Variants in ECE1 observed in about 807,000 individuals in gnomAD.
ECE1 encodes the protein endothelin-converting enzyme 1.
In ECE1, 35 loss-of-function variants were observed where a neutral mutation model predicts 98.6. The observed-to-expected ratio is 0.35, with a 90% confidence interval of 0.27 to 0.47. The LOEUF is 0.47. Ranked by LOEUF, ECE1 falls within the 20% of genes least tolerant of loss-of-function variation. The pLI is 1.00. For missense variants in ECE1, 814 were observed against 1,025.3 expected, an observed-to-expected ratio of 0.79 and a Z score of 2.81; for synonymous variants, 394 against 407.1, an observed-to-expected ratio of 0.97 and a Z score of 0.39.
chr1:21,282,247 G>A (rs1264227969), intron 2 of ECE1, among the ~76,000 whole-genome samples: 1 of 152,056 alleles, frequency 6.6e-6, no homozygotes, highest in Admixed American at 6.5e-5. Flanking sequence ...CCATGATTGT[G>A]CCCCTGCACT....
chr1:21,314,338 G>GCCCCCAAATTCCTGGCT (rs1638789081), intron 1 of ECE1, among the ~76,000 whole-genome samples: 1 of 152,194 alleles, frequency 6.6e-6, no homozygotes, highest in African/African-American at 2.4e-5. Context: ...CCCCTCCCGG[G>GCCCCCAAATTCCTGGCT]CCCCCAAATT....
At chr1:21,248,568 C>T (rs2098207395) in intron 8 of ECE1, among the ~76,000 whole-genome samples, 1 of 152,158 alleles carries the variant, frequency 6.6e-6, no homozygotes, top group African/African-American at 2.4e-5. Flanking sequence ...AACTCTCAGC[C>T]TCCAGCAGGT....
intron 1 of ECE1, among the ~76,000 whole-genome samples, chr1:21,337,366 G>C (rs1639322623): frequency 6.6e-6 from 1 of 152,190 alleles, no homozygotes; most frequent in African/African-American, 2.4e-5. Context: ...CACAGAGAAA[G>C]CTCAAAACCA....
At chr1:21,259,277 A>AT (rs1052391496) in intron 5 of ECE1, among the ~76,000 whole-genome samples, 6 of 151,942 alleles carry the variant, frequency 3.9e-5, no homozygotes, top group African/African-American at 1.5e-4. Flanking sequence ...TTTTAAAAAA[A>AT]TTTTTTTTGA....
intron 9 of ECE1, 63 bp downstream of exon 9, chr1:21,247,158 C>T (rs891478604): frequency 3.7e-6 from 6 of 1,612,098 alleles, no homozygotes; most frequent in Middle Eastern, 1.8e-4. Context: ...CACCCCTGCC[C>T]ACCTGCCCAA....
chr1:21,329,739 A>G (rs1639156128), intron 1 of ECE1, among the ~76,000 whole-genome samples: 1 of 152,204 alleles, frequency 6.6e-6, no homozygotes, highest in Admixed American at 6.5e-5. Context: ...CCTTCTCAGC[A>G]CACCACAAAT....
chr1:21,246,599 TTA>T (rs1340286866), intron 9 of ECE1, among the ~76,000 whole-genome samples: 1 of 152,142 alleles, frequency 6.6e-6, no homozygotes, highest in Non-Finnish European at 1.5e-5. Flanking sequence ...AGGCACTCTA[TTA>T]AATCACCTCA....
chr1:21,312,101 C>T (rs956714419), intron 1 of ECE1, among the ~76,000 whole-genome samples: 6 of 132,908 alleles, frequency 4.5e-5, no homozygotes, highest in African/African-American at 1.2e-4. Context: ...CCAGCCTGAG[C>T]GACAGAGTGA....
Position 21,281,217 on chromosome 1 carries a change from AAAACAAAACT to A in ECE1, c.139-1895_139-1886del, listed in dbSNP as rs545361775. ...AAAACAAAACAAAACAAAACAAAAC[AAAACAAAACT>A]GAGCAAAGGATCTTGGGGCTTAGAG... On this transcript the variant is annotated intron_variant, in intron 2 of 18. Transcript: ENST00000374893. 6.7e-5 allele frequency among the ~76,000 whole-genome samples: 10 copies of A among 148,648 alleles called. No homozygotes were observed. In the South Asian group the frequency reaches 2.1e-3, roughly 31 times the overall value.
chr1:21,298,618 G>A (rs1479416201), intron 1 of ECE1: 2 of 399,360 alleles, frequency 5.0e-6, no homozygotes, highest in Non-Finnish European at 1.0e-5. Flanking sequence ...GACCCGTGGT[G>A]TGCCAGGCAC....
upstream of ECE1, among the ~76,000 whole-genome samples, chr1:21,291,404 G>A (rs1015894482): frequency 6.6e-6 from 1 of 152,222 alleles, no homozygotes; most frequent in East Asian, 1.9e-4. Flanking sequence ...TGAATAAACA[G>A]GTTTAGAGGG....
chr1:21,271,191 T>G (rs1050561489), intron 4 of ECE1, among the ~76,000 whole-genome samples: 5 of 152,174 alleles, frequency 3.3e-5, no homozygotes, highest in African/African-American at 1.2e-4. Context: ...CAGCTGCTGC[T>G]GCTGCTTCAG....
upstream of ECE1, among the ~76,000 whole-genome samples, chr1:21,291,022 G>A (rs1039676950): frequency 6.6e-6 from 1 of 152,000 alleles, no homozygotes; most frequent in Admixed American, 6.6e-5. Context: ...GTGCTCAAAG[G>A]TGTCGCCCTC....
intron 12 of ECE1, among the ~76,000 whole-genome samples, chr1:21,236,372 G>A (rs552715013): frequency 1.6e-4 from 24 of 152,378 alleles, no homozygotes; most frequent in Non-Finnish European, 2.8e-4. Flanking sequence ...TGGCCTCACC[G>A]GGCGCGGTGG....
Position 21,227,154 on chromosome 1 carries a change from C to T in ECE1, c.1849+5G>A, listed in dbSNP as rs372230153. ...TGAGCCATCGTGCCCAGCTGGAATT[C>T]GTACCTTGATCATCAAAAGCATGAG... On this transcript the variant is annotated splice_donor_5th_base_variant and intron_variant, in intron 16 of 18. Coordinates refer to ENST00000374893, the MANE Select transcript of ECE1 (RefSeq NM_001397.3). 17 of 1,613,758 alleles carry T rather than the reference C, an allele frequency of 1.1e-5. 1 individual carries two copies. The African/African-American group carries it at 1.5e-4, about 14-fold the overall frequency.
intron 10 of ECE1, among the ~76,000 whole-genome samples, chr1:21,241,791 C>A (rs567362786): frequency 1.3e-5 from 2 of 152,306 alleles, no homozygotes; most frequent in South Asian, 2.1e-4. Context: ...ACGCTCTCTG[C>A]CTACAGGTCA....
chr1:21,290,523 C>T (rs945627126), upstream of ECE1: 28 of 1,202,062 alleles, frequency 2.3e-5, no homozygotes, highest in Non-Finnish European at 2.5e-5. The surrounding 1 kb of genome is among the most constrained non-coding windows in gnomAD (Gnocchi z 7.3). Context: ...CGCCGGCGCC[C>T]GGTTCCCAAC....
In ECE1 at chr1:21,319,060, T is replaced by C. The variant is rs1320626773; in HGVS notation, c.3+26316A>G. Among the ~76,000 whole-genome samples, 1 of 152,128 alleles carries C rather than the reference T, an allele frequency of 6.6e-6. No homozygotes were observed. The highest frequency in any genetic ancestry group is 1.9e-4 in the East Asian group (1 of 5,188). ...CATCAGCTAAGTCAAAATAATAAAG[T>C]GAGGCCAGGCACGGTGGCTCAAGCT... On this transcript the variant is annotated intron_variant, in intron 1 of 18. Coordinates refer to the ECE1 transcript ENST00000415912. The surrounding 1 kb of genome is among the most constrained non-coding windows in gnomAD (Gnocchi z 4.4).
chr1:21,222,155 C>A (rs1469662819), intron 17 of ECE1: 2 of 417,430 alleles, frequency 4.8e-6, no homozygotes, highest in African/African-American at 2.0e-5. Context: ...ATAAACAGAG[C>A]CACATCGTGT....
Sources: gnomAD v4.1 joint callset for allele counts (sites outside exome capture counted in the v4.1 genomes callset) on GRCh38, gnomAD v4.1.1 for gene constraint, Gnocchi (gnomAD v3.1) non-coding constraint, MANE v1.5 for transcripts, NCBI Gene and HGNC (gene_info 2026-07-23, HGNC 2026-07-21) for gene names.